The following MCU variants were observed in gnomAD, a reference collection of about 807,000 sequenced individuals.
MCU encodes calcium uniporter protein, mitochondrial.
In MCU, 12 loss-of-function variants were observed where a neutral mutation model predicts 45.2. The observed-to-expected ratio is 0.27, with a 90% CI of 0.17 to 0.43. The LOEUF (loss-of-function observed/expected upper bound fraction) is 0.43. Ranked by LOEUF, MCU falls within the 20% of genes least tolerant of loss-of-function variation. The pLI, the probability that MCU is intolerant of heterozygous loss-of-function variation, is 1.00. For missense variants in MCU, 324 were observed against 436.7 expected, an observed-to-expected ratio of 0.74 and a Z score of 2.30; for synonymous variants, 160 against 165.1, an observed-to-expected ratio of 0.97 and a Z score of 0.24.
chr10:72,854,935 G>A (rs2132862396), intron 2 of MCU, among the ~76,000 whole-genome samples: 1 of 152,188 alleles, frequency 6.6e-6, no homozygotes, highest in Non-Finnish European at 1.5e-5. Context: ...TTGCTCTAGA[G>A]TAATGCTTAA....
At position 72,887,492 on chromosome 10, in the gene MCU, A is replaced by G. The variant is rs1845792677; in HGVS notation, c.*1670A>G. 6.5e-6 allele frequency: 1 copy of G among 152,700 alleles called. No homozygotes were observed. The highest frequency in any genetic ancestry group is 6.6e-5 in the Admixed American group (1 of 15,266). 9.5% of individuals were successfully genotyped at this position (152,700 alleles called of 1,614,324 possible). On this transcript the variant is annotated 3_prime_UTR_variant, in exon 8 of 8. Coordinates refer to ENST00000373053, the MANE Select transcript of MCU (RefSeq NM_138357.3). ...TTTAACCCATTTATCCTGTTTGTGC[A>G]TAGGGTTTTTAAGAAGAAACAGCAC...
intron 6 of MCU, among the ~76,000 whole-genome samples, chr10:72,882,599 C>T (rs1018619743): frequency 2.0e-5 from 3 of 152,140 alleles, no homozygotes; most frequent in African/African-American, 7.2e-5. Context: ...GAAATTCCCA[C>T]CTAATAAATT....
At chr10:72,804,017 A>AATATATATATAT (rs35518652) in intron 1 of MCU, among the ~76,000 whole-genome samples, 1 of 34,902 alleles carries the variant, frequency 2.9e-5, no homozygotes, top group African/African-American at 6.7e-5. Context: ...AATGTAAGTA[A>AATATATATATAT]ATATATATAT....
Position 72,859,194 on chromosome 10 carries a change from C to G in MCU, c.238C>G (p.Gln80Glu), listed in dbSNP as rs774206950. 4 of 1,597,196 alleles carry G rather than the reference C, an allele frequency of 2.5e-6. No homozygotes were observed. Among genetic ancestry groups the G allele is most frequent in the Non-Finnish European group, 3.4e-6 (4 of 1,172,822 alleles). Residue 80 changes from glutamine to glutamate, a missense_variant, in exon 3 of 8, where the codon CAA becomes GAA. By Grantham distance (29) the Gln-to-Glu change is conservative. Around this residue, in one of 4 missense-constraint regions of MCU, gnomAD observed 111 missense variants for 112.3 expected, o/e 0.99. Coordinates refer to ENST00000373053, the MANE Select transcript of MCU (RefSeq NM_138357.3). The part of the protein sequence containing the change: ...VPSDDVTVVY[Q>E]NGLPVISVRL... ...TCATTCAGATGTTACAGTGGTTTAT[C>G]AAAATGGGTTACCTGTGATATCTGT... is the stretch of plus-strand genomic sequence containing the variant.
chr10:72,765,701 G>A (rs1340433494), intron 1 of MCU, among the ~76,000 whole-genome samples: 1 of 149,966 alleles, frequency 6.7e-6, no homozygotes, highest in Non-Finnish European at 1.5e-5. Context: ...GGCTGAGGCA[G>A]GAGGATTGCT....
At chr10:72,855,786 A>G (rs1280636054) in intron 2 of MCU, among the ~76,000 whole-genome samples, 1 of 152,206 alleles carries the variant, frequency 6.6e-6, no homozygotes, top group Non-Finnish European at 1.5e-5. Context: ...TAATATACAT[A>G]CTTTAATTAA....
chr10:72,799,539 C>CT (rs1168329552), intron 1 of MCU, among the ~76,000 whole-genome samples: 1 of 151,060 alleles, frequency 6.6e-6, no homozygotes, highest in Non-Finnish European at 1.5e-5. Flanking sequence ...TCAGGCTGTA[C>CT]TTGAATTCCT....
chr10:72,698,214 C>T (rs1002758952), intron 1 of MCU, among the ~76,000 whole-genome samples: 4 of 151,938 alleles, frequency 2.6e-5, no homozygotes, highest in Non-Finnish European at 5.9e-5. Flanking sequence ...TTTTCTTTAA[C>T]ATGAAATCTA....
intron 1 of MCU, among the ~76,000 whole-genome samples, chr10:72,792,609 G>A (rs1325531523): frequency 6.6e-6 from 1 of 152,092 alleles, no homozygotes; most frequent in Non-Finnish European, 1.5e-5. Flanking sequence ...ACATCTCAGG[G>A]CCAGGTGCCT....
chr10:72,766,903 A>G (rs902429809), intron 1 of MCU: 2 of 152,224 alleles, frequency 1.3e-5, no homozygotes, highest in African/African-American at 4.8e-5. Context: ...AACTGCTTCT[A>G]CAGGATCTAG....
intron 1 of MCU, among the ~76,000 whole-genome samples, chr10:72,705,855 C>G (rs1466663280): frequency 6.6e-6 from 1 of 151,856 alleles, no homozygotes; most frequent in African/African-American, 2.4e-5. Flanking sequence ...GGTGCACACG[C>G]CTGTAATTCC....
intron 1 of MCU, chr10:72,712,235 T>C (rs576763861): frequency 4.9e-4 from 75 of 152,358 alleles, no homozygotes; most frequent in African/African-American, 1.8e-3. Context: ...AATGCTGTTT[T>C]GACTTTCAAA....
At chr10:72,704,704 A>ATT (rs1162093579) in intron 1 of MCU, among the ~76,000 whole-genome samples, 58 of 106,726 alleles carry the variant, frequency 5.4e-4, no homozygotes, top group East Asian at 1.3e-3. Context: ...TGCCTGGATA[A>ATT]TTTTTTTTTT....
chr10:72,877,495 A>C (rs1238412878), intron 6 of MCU, among the ~76,000 whole-genome samples: 1 of 152,174 alleles, frequency 6.6e-6, no homozygotes, highest in African/African-American at 2.4e-5. Flanking sequence ...TCAGTCATCC[A>C]ATATCTATTA....
intron 1 of MCU, among the ~76,000 whole-genome samples, chr10:72,820,248 A>T (rs1451727461): frequency 6.6e-6 from 1 of 152,202 alleles, no homozygotes; most frequent in African/African-American, 2.4e-5. Flanking sequence ...ATAAGGTAGT[A>T]TGTGCCGGGT....
intron 1 of MCU, among the ~76,000 whole-genome samples, chr10:72,809,656 A>G (rs1377462556): frequency 1.3e-5 from 2 of 152,246 alleles, no homozygotes; most frequent in African/African-American, 2.4e-5. Flanking sequence ...CAGTACAGAA[A>G]GGACTCAAGA....
At chr10:72,786,372 G>A (rs1844071439) in intron 1 of MCU, among the ~76,000 whole-genome samples, 1 of 152,088 alleles carries the variant, frequency 6.6e-6, no homozygotes, top group Non-Finnish European at 1.5e-5. Context: ...TTAGCTCTGT[G>A]TGCTCTGTGT....
chr10:72,803,298 G>T (rs1844370356), intron 1 of MCU, among the ~76,000 whole-genome samples: 1 of 150,676 alleles, frequency 6.6e-6, no homozygotes, highest in African/African-American at 2.4e-5. Context: ...TCATCCAGTT[G>T]GCTCTCATTT....
At chr10:72,853,529 C>G (rs1228331452) in intron 2 of MCU, among the ~76,000 whole-genome samples, 1 of 152,056 alleles carries the variant, frequency 6.6e-6, no homozygotes, top group Non-Finnish European at 1.5e-5. Context: ...TCACAATGGC[C>G]TAACATAAGT....
Sources: allele counts gnomAD v4.1 joint callset (sites outside exome capture counted in the v4.1 genomes callset), GRCh38; gene constraint gnomAD v4.1.1; regional missense constraint gnomAD v4.1.1; transcripts MANE v1.5; gene names NCBI Gene and HGNC (gene_info 2026-07-23, HGNC 2026-07-21).